The following ZDHHC11 variants were observed in gnomAD, a reference collection of about 807,000 sequenced individuals.
ZDHHC11 encodes the protein palmitoyltransferase ZDHHC11.
In ZDHHC11, 44 loss-of-function variants were observed where a neutral mutation model predicts 51.3. The observed-to-expected ratio is 0.86, with a 90% CI of 0.67 to 1.10. The LOEUF is 1.10. Ranked by LOEUF, ZDHHC11 falls within the 50% of genes least tolerant of loss-of-function variation. ZDHHC11 has a pLI of 0.00. For synonymous variants in ZDHHC11, 163 were observed against 222.0 expected (o/e 0.73, Z 2.36); for missense variants, 400 against 537.7 (o/e 0.74, Z 2.53).
intron 1 of ZDHHC11, among the ~76,000 whole-genome samples, chr5:858,415 C>T (rs931771500): frequency 6.6e-6 from 1 of 151,294 alleles, no homozygotes; most frequent in Non-Finnish European, 1.5e-5. Flanking sequence ...GTCTTTATGA[C>T]ACCGTGGTCC....
At chr5:802,706 G>A (rs1738608769) in intron 11 of ZDHHC11, among the ~76,000 whole-genome samples, 1 of 149,558 alleles carries the variant, frequency 6.7e-6, no homozygotes. Context: ...GGGTGCGGTG[G>A]CTCACACCTG....
chr5:840,752 G>C, intron 4 of ZDHHC11, 102 bp from the exon 5 acceptor site: 4 of 1,576,946 alleles, frequency 2.5e-6, no homozygotes, highest in South Asian at 1.2e-5. Flanking sequence ...GGCGGTGTGG[G>C]GACAGCCAGT....
At chr5:798,407 G>C (rs1281014261) in intron 12 of ZDHHC11, among the ~76,000 whole-genome samples, 386 of 150,910 alleles carry the variant, frequency 2.6e-3, no homozygotes, top group African/African-American at 9.2e-3. Flanking sequence ...ACACGGACAC[G>C]CGCACGCGTG....
intron 12 of ZDHHC11, among the ~76,000 whole-genome samples, chr5:798,414 C>T (rs1486478047): frequency 1.1e-4 from 16 of 151,532 alleles, no homozygotes; most frequent in East Asian, 2.0e-4. Context: ...CACGCGCACG[C>T]GTGCACACAC....
intron 8 of ZDHHC11, chr5:824,082 G>T (rs1483630314): frequency 4.4e-6 from 2 of 454,926 alleles, no homozygotes; most frequent in Non-Finnish European, 8.8e-6. Context: ...GGGGAAGTGT[G>T]GTGAGGTGGC....
Position 843,937 on chromosome 5 carries a change from CG to C in ZDHHC11, c.504-214del, listed in dbSNP as rs1393646707. Among the ~76,000 whole-genome samples, 125 of 90,330 alleles carry C rather than the reference CG, an allele frequency of 1.4e-3. 2 individuals are homozygous for C. In the South Asian group the frequency reaches 0.028, roughly 20 times the overall value. 59.3% of individuals were successfully genotyped at this position (90,330 alleles called of 152,430 possible). A position where few individuals can be genotyped will look rare whatever the true frequency, so the allele number is the denominator to read the frequency against. On this transcript the variant is annotated intron_variant, in intron 3 of 12. Coordinates refer to ENST00000283441, the MANE Select transcript of ZDHHC11 (RefSeq NM_024786.3). ...ACACGCAGGGCATCTGAGGCAGGGG[CG>C]GGGGCATGCAGGGCAGGTGGGGGGT...
At position 828,102 on chromosome 5, in the gene ZDHHC11, A is replaced by G. The variant is rs1404112147; in HGVS notation, c.936-2851T>C. Reference sequence around the variant, plus strand: ...ATCCCAAGGCAGAATTTTTCTTAGTACAGAACAAAATGAAAAGTCTCCCAT... The same window carrying G: ...ATCCCAAGGCAGAATTTTTCTTAGTGCAGAACAAAATGAAAAGTCTCCCAT... On this transcript the variant is annotated intron_variant, in intron 7 of 12. Transcript: ENST00000283441. Among the ~76,000 whole-genome samples the G allele has an allele frequency of 2.0e-5, 3 of 151,408 alleles. No homozygotes were observed. The East Asian group carries it at 5.8e-4, about 29-fold the overall frequency.
chr5:857,678 C>T (rs182653027), intron 1 of ZDHHC11, among the ~76,000 whole-genome samples: 1 of 147,762 alleles, frequency 6.8e-6, no homozygotes, highest in Non-Finnish European at 1.5e-5. Context: ...CCCCTAGAGT[C>T]TGTCCAGGTC....
At chr5:825,127 C>G in intron 8 of ZDHHC11, 37 bp downstream of exon 8, 1 of 1,588,730 alleles carries the variant, frequency 6.3e-7, no homozygotes, top group East Asian at 2.2e-5. Context: ...GCACACGGCC[C>G]TGACCTCGGG....
intron 12 of ZDHHC11, among the ~76,000 whole-genome samples, chr5:800,020 C>G (rs1245365603): frequency 2.0e-5 from 3 of 151,328 alleles, no homozygotes; most frequent in Non-Finnish European, 4.4e-5. Flanking sequence ...TCTGGGCTTT[C>G]AAGGTGATGT....
At chr5:847,419 C>T (rs1168291894) in intron 3 of ZDHHC11, 95 bp downstream of exon 3, 3 of 1,546,828 alleles carry the variant, frequency 1.9e-6, no homozygotes, top group African/African-American at 2.9e-5. Context: ...GAGGACCCTC[C>T]ACCCTTTCAA....
At chr5:841,376 G>A (rs1579745503) in intron 4 of ZDHHC11, 1 of 915,620 alleles carries the variant, frequency 1.1e-6, no homozygotes, top group Non-Finnish European at 1.3e-6. Flanking sequence ...CTAAGTGCCA[G>A]GGTCACAGTG....
chr5:841,121 C>A (rs1450734219), intron 4 of ZDHHC11: 1 of 957,242 alleles, frequency 1.0e-6, no homozygotes, highest in Non-Finnish European at 1.2e-6. Flanking sequence ...GGTCACAGCA[C>A]CCATCCCTTC....
At chr5:836,457 T>A (rs1261124917) in intron 6 of ZDHHC11, among the ~76,000 whole-genome samples, 3 of 150,478 alleles carry the variant, frequency 2.0e-5, no homozygotes, top group Admixed American at 2.0e-4. Context: ...CTGAATGTAC[T>A]GGCTTATGAA....
chr5:846,520 T>A (rs1487886014), intron 3 of ZDHHC11, among the ~76,000 whole-genome samples: 1 of 142,198 alleles, frequency 7.0e-6, no homozygotes, highest in African/African-American at 2.8e-5. Context: ...TTCTTGAGCC[T>A]CCACCGTGCT....
chr5:853,380 C>A (rs1374273350), upstream of ZDHHC11, among the ~76,000 whole-genome samples: 2 of 150,348 alleles, frequency 1.3e-5, no homozygotes, highest in African/African-American at 4.9e-5. Context: ...GGACAGCGAG[C>A]CAGGGGGACA....
intron 3 of ZDHHC11, among the ~76,000 whole-genome samples, chr5:846,642 C>G (rs1227042986): frequency 2.8e-5 from 4 of 145,260 alleles, no homozygotes; most frequent in African/African-American, 1.0e-4. Flanking sequence ...GCGCCTCCAC[C>G]GTGCTCAGGG....
At chr5:831,062 G>C (rs1579677209) in intron 7 of ZDHHC11, among the ~76,000 whole-genome samples, 1 of 149,578 alleles carries the variant, frequency 6.7e-6, no homozygotes, top group African/African-American at 2.5e-5. Context: ...CTTCGGCAAA[G>C]AGCTCATGAC....
chr5:847,049 C>T (rs1314041644), intron 3 of ZDHHC11, among the ~76,000 whole-genome samples: 3 of 140,242 alleles, frequency 2.1e-5, no homozygotes, highest in Admixed American at 6.9e-5. Context: ...GGGGAAACAC[C>T]TCTCGTCTAT....
Sources: gnomAD v4.1 joint callset for allele counts (sites outside exome capture counted in the v4.1 genomes callset) on GRCh38, gnomAD v4.1.1 for gene constraint, MANE v1.5 for transcripts, NCBI Gene and HGNC (gene_info 2026-07-23, HGNC 2026-07-21) for gene names.